SEMA4F: variants seen among roughly 807,000 people sequenced by gnomAD.
The protein encoded by SEMA4F is ssemaphorin 4F.
A neutral mutation model predicts 78.4 loss-of-function variants in SEMA4F; 51 were observed. That is an observed-to-expected ratio of 0.65 (90% CI 0.52 to 0.82). SEMA4F has a LOEUF of 0.82. Among genes scored for constraint, SEMA4F ranks in the 40% least tolerant of loss-of-function variants. SEMA4F has a pLI of 0.00. For synonymous variants in SEMA4F, 418 were observed against 408.7 expected (o/e 1.02, Z -0.27); for missense variants, 938 against 1,014.4 (o/e 0.92, Z 1.02).
intron 5 of SEMA4F, among the ~76,000 whole-genome samples, chr2:74,666,470 G>T (rs1012357826): frequency 2.0e-5 from 3 of 151,524 alleles, no homozygotes; most frequent in African/African-American, 7.3e-5. Flanking sequence ...TGATGGAGGC[G>T]ATCAGAACTC....
chr2:74,670,102 C>T (rs113876233), intron 5 of SEMA4F, among the ~76,000 whole-genome samples: 3 of 152,242 alleles, frequency 2.0e-5, no homozygotes, highest in South Asian at 2.1e-4. Context: ...TTGCCAATGG[C>T]GGATGTGGCC....
chr2:74,657,861 T>C lies in SEMA4F; in HGVS notation c.366T>C (p.Cys122=). The change falls in exon 4 of 14, where the codon TGT becomes TGC. Residue 122 remains cysteine (C), a synonymous_variant. Transcript: ENST00000357877. ...CRKKGKKEDE[C]HNFVQILAIA... The stretch of plus-strand genomic sequence containing the variant: ...CCGTCTCTGACCCCCAGGACGAATG[T>C]CACAATTTTGTCCAGATTCTCGCCA... 2.5e-6 allele frequency: 4 copies of C among 1,614,180 alleles called. No individual in the cohort carries two copies. The highest frequency in any genetic ancestry group is 3.4e-6 in the Non-Finnish European group (4 of 1,179,970).
At chr2:74,686,314 TG>T (rs1468707404), downstream of SEMA4F, among the ~76,000 whole-genome samples, 2 of 152,134 alleles carry the variant, frequency 1.3e-5, no homozygotes, top group African/African-American at 4.8e-5. Flanking sequence ...TTAGTCAGGA[TG>T]GTCTCAATCT....
chr2:74,675,428 A>T (rs1165665386), intron 10 of SEMA4F, 44 bp downstream of exon 10: 1 of 1,598,980 alleles, frequency 6.3e-7, no homozygotes. Context: ...GTGCATACAC[A>T]TTCTCGTCAC....
chr2:74,661,690 C>A (rs533776675), intron 4 of SEMA4F, among the ~76,000 whole-genome samples: 2 of 152,290 alleles, frequency 1.3e-5, no homozygotes, highest in African/African-American at 4.8e-5. Context: ...AACAGGCCTT[C>A]TTCCAGACTC....
At position 74,675,343 on chromosome 2, in the gene SEMA4F, G is replaced by A. The variant is rs1326400308; in HGVS notation, c.1331G>A (p.Ser444Asn). The change falls in exon 10 of 14, where the codon AGC becomes AAC. Residue 444 changes from serine (S) to asparagine (N), a missense_variant. By Grantham distance (46) the Ser-to-Asn change is conservative (BLOSUM62 1). Transcript: ENST00000357877. The stretch of plus-strand genomic sequence containing the variant: ...AGAGTCGTGGCCCACAGGGTGACCA[G>A]CCTCTCAGGGAAAGAGTATGATGTG... ...YLRVVAHRVT[S>N]LSGKEYDVLY... The A allele has an allele frequency of 1.9e-6, 3 of 1,614,084 alleles. No homozygotes were observed. Among genetic ancestry groups the A allele is most frequent in the Admixed American group, 1.7e-5 (1 of 60,026 alleles).
Position 74,658,939 on chromosome 2 carries a change from C to T in SEMA4F, c.456+988C>T, listed in dbSNP as rs1296316351. ...GATCAAGTCAGTGTGTATCTCTAAACCCCTCTTTGTTACATACCACCCTCA... is the reference window on the plus strand; with the variant it reads ...GATCAAGTCAGTGTGTATCTCTAAATCCCTCTTTGTTACATACCACCCTCA... On this transcript the variant is annotated intron_variant, in intron 4 of 13. Transcript: ENST00000357877. This position sits in a 1 kb window ranked among gnomAD's most constrained non-coding sequence, Gnocchi z 4.3. Among the ~76,000 whole-genome samples, 3 of 152,180 alleles carry T rather than the reference C, an allele frequency of 2.0e-5. No individual in the cohort carries two copies. The highest frequency in any genetic ancestry group is 2.1e-4 in the South Asian group (1 of 4,830).
Position 74,675,635 on chromosome 2 carries a change from G to T in SEMA4F, c.1482+1G>T. 1 of 1,613,662 alleles carries T rather than the reference G, an allele frequency of 6.2e-7. No homozygotes were observed. The highest frequency in any genetic ancestry group is 1.1e-5 in the South Asian group (1 of 91,064). On this transcript the variant is annotated splice_donor_variant, in intron 11 of 13. Coordinates refer to ENST00000357877, the MANE Select transcript of SEMA4F (RefSeq NM_004263.5). LOFTEE classifies it high-confidence loss of function. ...AGTTGAGAACATGAAATTGTACCAC[G>T]TGAGTTGTAGATTTTGGAGAGTCTA...
intron 5 of SEMA4F, among the ~76,000 whole-genome samples, chr2:74,669,192 C>T (rs1684850178): frequency 6.6e-6 from 1 of 152,120 alleles, no homozygotes; most frequent in African/African-American, 2.4e-5. Flanking sequence ...CCTGTGGTCC[C>T]AGCTACCTGG....
chr2:74,703,869 G>A, the SEMA4F span, among the ~76,000 whole-genome samples: 9 of 152,184 alleles, frequency 5.9e-5, no homozygotes, highest in African/African-American at 2.2e-4. Flanking sequence ...TAAGGCTTTG[G>A]GTTTGTACCT....
At chr2:74,662,351 T>TTGTCATGTAGCA (rs1205223262) in intron 4 of SEMA4F, among the ~76,000 whole-genome samples, 1 of 152,166 alleles carries the variant, frequency 6.6e-6, no homozygotes, top group Non-Finnish European at 1.5e-5. Context: ...CTGATCCTTC[T>TTGTCATGTAGCA]TGTCATGTAG....
chr2:74,674,456 A>C (rs1410065127), intron 7 of SEMA4F, 42 bp from the exon 8 acceptor site: 1 of 1,559,080 alleles, frequency 6.4e-7, no homozygotes, highest in African/African-American at 1.4e-5. Context: ...TTGCCCAATG[A>C]TGATCATCTA....
chr2:74,701,532 G>A, the SEMA4F span, among the ~76,000 whole-genome samples: 1 of 152,154 alleles, frequency 6.6e-6, no homozygotes, highest in African/African-American at 2.4e-5. Context: ...CATTCAGTCA[G>A]TACTTTTCAG....
the SEMA4F span, among the ~76,000 whole-genome samples, chr2:74,699,438 T>C: frequency 8.2e-3 from 1,256 of 152,302 alleles, 27 homozygotes; most frequent in African/African-American, 0.028. Flanking sequence ...AACTATCCCC[T>C]ACACCCACAT....
At chr2:74,665,081 A>C (rs1378731844) in intron 5 of SEMA4F, among the ~76,000 whole-genome samples, 1 of 152,158 alleles carries the variant, frequency 6.6e-6, no homozygotes, top group Non-Finnish European at 1.5e-5. Flanking sequence ...CTTTATCATA[A>C]AATTAATTTT....
At chr2:74,673,873 C>T (rs1685124707) in intron 7 of SEMA4F, 45 bp downstream of exon 7, 2 of 1,584,642 alleles carry the variant, frequency 1.3e-6, no homozygotes, top group Non-Finnish European at 1.7e-6. Flanking sequence ...CCTGCTCTGT[C>T]TGTCCCCCGT....
chr2:74,703,274 T>C, the SEMA4F span, among the ~76,000 whole-genome samples: 1 of 152,156 alleles, frequency 6.6e-6, no homozygotes, highest in Non-Finnish European at 1.5e-5. Flanking sequence ...CCTCCAGAAA[T>C]GCACATTTTG....
At chr2:74,655,115 C>CT (rs1437245906) in intron 1 of SEMA4F, among the ~76,000 whole-genome samples, 2 of 152,218 alleles carry the variant, frequency 1.3e-5, no homozygotes, top group African/African-American at 4.8e-5. Context: ...CCTGACATCT[C>CT]TGACAGCAGC....
chr2:74,706,479 C>T, the SEMA4F span, among the ~76,000 whole-genome samples: 1 of 152,092 alleles, frequency 6.6e-6, no homozygotes, highest in South Asian at 2.1e-4. Flanking sequence ...GGAGATCTGG[C>T]TGCATAATCA....
Sources: allele counts gnomAD v4.1 joint callset (sites outside exome capture counted in the v4.1 genomes callset), GRCh38; gene constraint gnomAD v4.1.1; non-coding constraint Gnocchi (gnomAD v3.1); transcripts MANE v1.5; gene names NCBI Gene and HGNC (gene_info 2026-07-23, HGNC 2026-07-21).